PRKCE: variants seen among roughly 807,000 people sequenced by gnomAD.
The protein encoded by PRKCE is protein kinase C epsilon, also known as protein kinase C epsilon type.
In PRKCE, 16 loss-of-function variants were observed where a neutral mutation model predicts 85.4. The observed-to-expected ratio is 0.19, with a 90% CI of 0.13 to 0.28. PRKCE has a LOEUF of 0.28. Ranked by LOEUF, PRKCE falls within the 10% of genes least tolerant of loss-of-function variation. PRKCE has a pLI of 1.00. For missense variants in PRKCE, 573 were observed against 975.2 expected (o/e 0.59, Z 5.49); for synonymous variants, 388 against 371.5 (o/e 1.04, Z -0.51).
chr2:46,157,872 T>C (rs1359912603), intron 13 of PRKCE, among the ~76,000 whole-genome samples: 1 of 152,242 alleles, frequency 6.6e-6, no homozygotes, highest in African/African-American at 2.4e-5. Context: ...TCCATGACTC[T>C]AGCCACTGAG....
At chr2:46,073,151 C>T (rs1574397418) in intron 10 of PRKCE, among the ~76,000 whole-genome samples, 1 of 152,206 alleles carries the variant, frequency 6.6e-6, no homozygotes, top group African/African-American at 2.4e-5. Flanking sequence ...TTTCTGTTCA[C>T]AGCCTTGCAA....
At chr2:45,896,394 GGAGTTAAAA>G (rs1243053260) in intron 2 of PRKCE, among the ~76,000 whole-genome samples, 2 of 152,144 alleles carry the variant, frequency 1.3e-5, no homozygotes, top group Non-Finnish European at 2.9e-5. Flanking sequence ...TGGCTGGGAG[GGAGTTAAAA>G]GAGTTTTTGC....
intron 10 of PRKCE, among the ~76,000 whole-genome samples, chr2:46,040,890 C>T (rs146986400): frequency 9.9e-4 from 150 of 152,246 alleles, no homozygotes; most frequent in African/African-American, 3.6e-3. Flanking sequence ...GGCAAACTGA[C>T]GAATCTCAGT....
At chr2:45,750,368 G>A (rs1295148714) in intron 1 of PRKCE, among the ~76,000 whole-genome samples, 4 of 152,156 alleles carry the variant, frequency 2.6e-5, no homozygotes, top group Non-Finnish European at 4.4e-5. Context: ...TATATAGATG[G>A]AATAATACAA....
intron 1 of PRKCE, among the ~76,000 whole-genome samples, chr2:45,658,861 T>C (rs1675503622): frequency 6.6e-6 from 1 of 152,236 alleles, no homozygotes; most frequent in African/African-American, 2.4e-5. Flanking sequence ...ACTTAACAAA[T>C]TGCCCTTTGG....
chr2:46,129,359 C>T (rs969606744), intron 11 of PRKCE, among the ~76,000 whole-genome samples: 2 of 152,190 alleles, frequency 1.3e-5, no homozygotes, highest in Non-Finnish European at 2.9e-5. Flanking sequence ...GGAAAAGAAA[C>T]AAGGGCATGG....
At chr2:46,074,272 T>C (rs1269008990) in intron 10 of PRKCE, among the ~76,000 whole-genome samples, 1 of 152,070 alleles carries the variant, frequency 6.6e-6, no homozygotes, top group South Asian at 2.1e-4. Context: ...GGTGGTTTTA[T>C]ATACATGAGA....
chr2:45,727,931 A>G (rs2104520544), intron 1 of PRKCE, among the ~76,000 whole-genome samples: 1 of 152,202 alleles, frequency 6.6e-6, no homozygotes, highest in South Asian at 2.1e-4. Context: ...GAGATTACAG[A>G]CGTGAGCCAC....
intron 1 of PRKCE, among the ~76,000 whole-genome samples, chr2:45,823,783 G>A (rs553284117): frequency 4.6e-5 from 7 of 152,358 alleles, no homozygotes; most frequent in Non-Finnish European, 1.5e-5. Context: ...ACCTCTGAGG[G>A]CATGTCCAGC....
chr2:45,995,376 C>A (rs1015150597), intron 6 of PRKCE, among the ~76,000 whole-genome samples: 6 of 151,788 alleles, frequency 4.0e-5, no homozygotes, highest in African/African-American at 1.2e-4. Context: ...CTCTTTTTTT[C>A]ATGGATCATG....
chr2:45,864,691 C>T (rs576367890), intron 2 of PRKCE, among the ~76,000 whole-genome samples: 1 of 152,290 alleles, frequency 6.6e-6, no homozygotes, highest in African/African-American at 2.4e-5. Flanking sequence ...AATTCCTCCC[C>T]AACCATTCCT....
chr2:46,038,029 TG>T (rs1707980003), intron 10 of PRKCE, among the ~76,000 whole-genome samples: 1 of 152,232 alleles, frequency 6.6e-6, no homozygotes, highest in Admixed American at 6.5e-5. Context: ...TGCAAGCTCC[TG>T]GCACAGCAAC....
intron 11 of PRKCE, among the ~76,000 whole-genome samples, chr2:46,097,403 C>T (rs943855853): frequency 2.0e-5 from 3 of 151,930 alleles, no homozygotes. Flanking sequence ...GTCTGTAGTC[C>T]CAGCTACTCG....
intron 10 of PRKCE, among the ~76,000 whole-genome samples, chr2:46,011,453 C>T (rs61758296): frequency 6.6e-6 from 1 of 152,292 alleles, no homozygotes; most frequent in Non-Finnish European, 1.5e-5. Flanking sequence ...TTATATCCTT[C>T]CCGTGTATCT....
At chr2:45,658,579 G>A (rs1357964164) in intron 1 of PRKCE, among the ~76,000 whole-genome samples, 1 of 152,138 alleles carries the variant, frequency 6.6e-6, no homozygotes. Flanking sequence ...TTTTAAGCCC[G>A]TTTCTTCATC....
chr2:46,019,371 G>A (rs999025275), intron 10 of PRKCE, among the ~76,000 whole-genome samples: 1 of 152,112 alleles, frequency 6.6e-6, no homozygotes, highest in African/African-American at 2.4e-5. Context: ...CCTGCCATGG[G>A]ATGGGGTCCT....
At position 45,843,858 on chromosome 2, in the gene PRKCE, A is replaced by G. The variant is rs777951615; in HGVS notation, c.412+795A>G. ...CCATCTGTGGGCAGGGGGACAGAAC[A>G]GTTGGCTTTAATGCCATGGCAGGGA... On this transcript the variant is annotated intron_variant, in intron 2 of 14. Coordinates refer to ENST00000306156, the MANE Select transcript of PRKCE (RefSeq NM_005400.3). Among the ~76,000 whole-genome samples, 3 of 152,208 alleles carry G rather than the reference A, an allele frequency of 2.0e-5. No individual in the cohort carries two copies. In the East Asian group the frequency reaches 5.8e-4, roughly 29 times the overall value.
intron 10 of PRKCE, among the ~76,000 whole-genome samples, chr2:46,074,429 C>CAAAAAAAAAAAAAAA (rs11287357): frequency 7.1e-4 from 67 of 93,712 alleles, no homozygotes; most frequent in Non-Finnish European, 1.0e-3. Context: ...CAACAACAAC[C>CAAAAAAAAAAAAAAA]AAAAAAAAAA....
At position 45,667,794 on chromosome 2, in the gene PRKCE, CA is replaced by C. The variant is rs893138186; in HGVS notation, c.348+15358del. On this transcript the variant is annotated intron_variant, in intron 1 of 14. Transcript: ENST00000306156. Reference sequence around the variant, plus strand: ...CTTGTTATTATATATGTTTTAACTTCAAAAAAAAAAAAGTGAAAAAGGATGC... The same window carrying C: ...CTTGTTATTATATATGTTTTAACTTCAAAAAAAAAAAGTGAAAAAGGATGC... 3.6e-3 allele frequency among the ~76,000 whole-genome samples: 508 copies of C among 140,356 alleles called. 1 individual carries two copies. The highest frequency in any genetic ancestry group is 4.1e-3 in the Non-Finnish European group (264 of 64,222). 92.1% of individuals were successfully genotyped at this position (140,356 alleles called of 152,430 possible).
Sources: gnomAD v4.1 joint callset for allele counts (sites outside exome capture counted in the v4.1 genomes callset) on GRCh38, gnomAD v4.1.1 for gene constraint, MANE v1.5 for transcripts, NCBI Gene and HGNC (gene_info 2026-07-23, HGNC 2026-07-21) for gene names.